Variants in CASP5 observed in about 807,000 individuals in gnomAD.
The protein encoded by CASP5 is caspase-5.
CASP5 carries 42 observed loss-of-function variants against 45.2 expected under a neutral mutation model. That is an observed-to-expected ratio of 0.93 (90% confidence interval 0.73 to 1.20). CASP5 has a LOEUF of 1.20. CASP5 is among the 50% of genes most tolerant of loss of function. CASP5 has a pLI of 0.00. For synonymous variants in CASP5, 209 were observed against 186.2 expected (o/e 1.12, Z -1.00); for missense variants, 512 against 532.2 (o/e 0.96, Z 0.37).
chr11:104,995,892 A>T, intron 8 of CASP5, 50 bp from the exon 9 acceptor site: 1 of 1,172,266 alleles, frequency 8.5e-7, no homozygotes, highest in Non-Finnish European at 1.3e-6. Flanking sequence ...GGTTCTCAGA[A>T]TGCATCTTAC....
At chr11:105,022,554 A>C (rs758145249) in intron 1 of CASP5, among the ~76,000 whole-genome samples, 10 of 152,104 alleles carry the variant, frequency 6.6e-5, no homozygotes, top group Non-Finnish European at 1.3e-4. Flanking sequence ...TATGGACTGA[A>C]GGGTTAAGTT....
At chr11:105,008,602 G>T (rs1191292879) in intron 2 of CASP5, among the ~76,000 whole-genome samples, 1 of 151,934 alleles carries the variant, frequency 6.6e-6, no homozygotes, top group Admixed American at 6.6e-5. Flanking sequence ...CTGAACCCAA[G>T]GACTCAGCCT....
chr11:105,006,866 A>G (rs930748433), intron 3 of CASP5, among the ~76,000 whole-genome samples: 6 of 152,220 alleles, frequency 3.9e-5, no homozygotes, highest in Non-Finnish European at 8.8e-5. Context: ...ATTTCTGTGC[A>G]CAGTCTAAAC....
chr11:105,008,190 A>G (rs550051423), intron 2 of CASP5, among the ~76,000 whole-genome samples: 6 of 152,220 alleles, frequency 3.9e-5, no homozygotes, highest in Non-Finnish European at 8.8e-5. Flanking sequence ...TAAAATGGAA[A>G]GGGGTTAAAG....
chr11:105,021,110 A>G (rs1393522367), intron 1 of CASP5, among the ~76,000 whole-genome samples: 2 of 152,050 alleles, frequency 1.3e-5, no homozygotes, highest in Non-Finnish European at 2.9e-5. Context: ...AGCCATATGT[A>G]GAAAGCTGAA....
chr11:105,013,294 A>C (rs1244906433), intron 1 of CASP5, among the ~76,000 whole-genome samples: 1 of 152,028 alleles, frequency 6.6e-6, no homozygotes, highest in African/African-American at 2.4e-5. Flanking sequence ...TGTTGATCAA[A>C]GGAAACAACA....
chr11:105,009,172 T>A, intron 1 of CASP5, 192 bp from the exon 2 acceptor site: 1 of 603,932 alleles, frequency 1.7e-6, no homozygotes, highest in Non-Finnish European at 2.9e-6. Context: ...AGGCTGTGTT[T>A]AACAATTCAT....
chr11:104,998,411 T>C (rs1248195813), intron 7 of CASP5, among the ~76,000 whole-genome samples: 1 of 152,220 alleles, frequency 6.6e-6, no homozygotes, highest in African/African-American at 2.4e-5. Context: ...TTACCTTTTT[T>C]AAAGCTCATT....
chr11:105,022,787 C>T (rs1230404726), intron 1 of CASP5, among the ~76,000 whole-genome samples: 1 of 152,076 alleles, frequency 6.6e-6, no homozygotes, highest in African/African-American at 2.4e-5. Flanking sequence ...AATTTGGAAT[C>T]AAGAGGAAGC....
At chr11:105,002,857 A>G (rs1861809293) in intron 4 of CASP5, among the ~76,000 whole-genome samples, 2 of 152,206 alleles carry the variant, frequency 1.3e-5, no homozygotes. Flanking sequence ...CATCTATCAT[A>G]AAGGTTACCA....
At chr11:105,001,644 G>A (rs1028701417) in intron 5 of CASP5, among the ~76,000 whole-genome samples, 1 of 152,184 alleles carries the variant, frequency 6.6e-6, no homozygotes, top group Non-Finnish European at 1.5e-5. Flanking sequence ...GCGACAGAGT[G>A]AGACTTGGTC....
In CASP5 at chr11:105,002,070, G is replaced by A. The variant is rs1006413084; in HGVS notation, c.675C>T (p.Gly225=). ...TTTCGTCAACCACAGTGTAGCCCAGGCCTTGAAGCAGCCTTTTCATCCCCA... is the reference window on the plus strand; with the variant it reads ...TTTCGTCAACCACAGTGTAGCCCAGACCTTGAAGCAGCCTTTTCATCCCCA... ...DIVGMKRLLQ[G]LGYTVVDEKN... The change falls in exon 5 of 10, where the codon GGC becomes GGT. Residue 225 remains glycine, a synonymous_variant. Transcript: ENST00000260315. 2 of 1,614,130 alleles carry A rather than the reference G, an allele frequency of 1.2e-6. No individual in the cohort carries two copies. Among genetic ancestry groups the A allele is most frequent in the Admixed American group, 1.7e-5 (1 of 60,018 alleles).
intron 1 of CASP5, among the ~76,000 whole-genome samples, chr11:105,019,710 C>A (rs1198166082): frequency 7.5e-6 from 1 of 133,290 alleles, no homozygotes; most frequent in South Asian, 2.3e-4. Flanking sequence ...GATTCACAGC[C>A]GAATTCTACC....
At chr11:105,020,307 G>A (rs942085015) in intron 1 of CASP5, among the ~76,000 whole-genome samples, 4 of 151,894 alleles carry the variant, frequency 2.6e-5, no homozygotes, top group African/African-American at 9.7e-5. Context: ...TTCTGGCCAG[G>A]GCGATCAGGC....
chr11:105,003,955 T>TG (rs1861879022), intron 3 of CASP5, among the ~76,000 whole-genome samples: 1 of 152,032 alleles, frequency 6.6e-6, no homozygotes, highest in Admixed American at 6.6e-5. Context: ...CAAAAGTGGA[T>TG]GGGACAACAT....
chr11:105,008,539 G>A (rs1394944355), intron 2 of CASP5, among the ~76,000 whole-genome samples: 2 of 151,962 alleles, frequency 1.3e-5, no homozygotes, highest in East Asian at 3.9e-4. Flanking sequence ...CTAGATTTAG[G>A]TTTGAATATG....
At chr11:105,017,191 A>C (rs1862662796) in intron 1 of CASP5, among the ~76,000 whole-genome samples, 1 of 152,084 alleles carries the variant, frequency 6.6e-6, no homozygotes, top group Admixed American at 6.5e-5. Flanking sequence ...AGTAGAAAAA[A>C]CCACAAAGAT....
In CASP5 at chr11:104,999,020, C is replaced by T. The variant is rs1328330115; in HGVS notation, c.961G>A (p.Gly321Arg). The change falls in exon 7 of 10, where the codon GGG becomes AGG. Residue 321 changes from glycine to arginine, a missense_variant. Physicochemically the swap from Gly to Arg is moderately radical, Grantham distance 125. Coordinates refer to ENST00000260315, the MANE Select transcript of CASP5 (RefSeq NM_004347.5). ...IVQACRGEKH[G>R]ELWVRDSPAS... The stretch of plus-strand genomic sequence containing the variant: ...GGAGAGTCTCTGACCCAGAGTTCCC[C>T]ATGTTTTTCTGTAGAGACATCAACT... 3.1e-6 allele frequency: 5 copies of T among 1,594,988 alleles called. No individual in the cohort carries two copies. Among genetic ancestry groups the T allele is most frequent in the Non-Finnish European group, 4.3e-6 (5 of 1,174,422 alleles).
intron 1 of CASP5, among the ~76,000 whole-genome samples, chr11:105,019,299 T>C (rs1159146071): frequency 6.7e-6 from 1 of 149,282 alleles, no homozygotes; most frequent in Non-Finnish European, 1.5e-5. Flanking sequence ...AAGAAATAAC[T>C]AAAATCAGAG....
Sources: allele counts gnomAD v4.1 joint callset (sites outside exome capture counted in the v4.1 genomes callset), GRCh38; gene constraint gnomAD v4.1.1; transcripts MANE v1.5; gene names NCBI Gene and HGNC (gene_info 2026-07-23, HGNC 2026-07-21).